ZCCHC7: variants seen among roughly 807,000 people sequenced by gnomAD.
ZCCHC7 encodes the protein zinc finger CCHC-type containing 7, also known as zinc finger CCHC domain-containing protein 7.
A neutral mutation model predicts 52.0 loss-of-function variants in ZCCHC7; 35 were observed. The ratio of observed to expected loss-of-function variants is 0.67; its 90% CI spans 0.51 to 0.89. The LOEUF (loss-of-function observed/expected upper bound fraction) is 0.89, where lower values mean the gene tolerates loss of function less well. Among genes scored for constraint, ZCCHC7 ranks in the 40% least tolerant of loss-of-function variants. The pLI is 0.00. For synonymous variants in ZCCHC7, 217 were observed against 221.5 expected (o/e 0.98, Z 0.18); for missense variants, 574 against 649.1 (o/e 0.88, Z 1.26).
At chr9:37,267,021 G>C (rs1827137474) in intron 2 of ZCCHC7, among the ~76,000 whole-genome samples, 1 of 152,200 alleles carries the variant, frequency 6.6e-6, no homozygotes, top group Non-Finnish European at 1.5e-5. Flanking sequence ...TTGAGAGAGA[G>C]AGAGGTATAC....
At chr9:37,234,945 T>A (rs2133329553) in intron 2 of ZCCHC7, among the ~76,000 whole-genome samples, 1 of 152,342 alleles carries the variant, frequency 6.6e-6, no homozygotes, top group South Asian at 2.1e-4. Flanking sequence ...TAAGTTTTAT[T>A]TTTATTTGAT....
chr9:37,233,892 C>T (rs1004356308), intron 2 of ZCCHC7, among the ~76,000 whole-genome samples: 2 of 152,140 alleles, frequency 1.3e-5, no homozygotes, highest in African/African-American at 2.4e-5. Flanking sequence ...CTTACTGTGT[C>T]TCCCAGGCTG....
chr9:37,352,089 G>C (rs1821414305), intron 7 of ZCCHC7, among the ~76,000 whole-genome samples: 1 of 152,184 alleles, frequency 6.6e-6, no homozygotes, highest in Non-Finnish European at 1.5e-5. Flanking sequence ...GAGGGGACCA[G>C]CGATGTGGAT....
In ZCCHC7 at chr9:37,127,019, A is replaced by C. The variant is rs568293766; in HGVS notation, c.610+77A>C. The C allele has an allele frequency of 3.3e-6, 5 of 1,522,878 alleles. No homozygotes were observed. The East Asian group carries it at 1.1e-4, about 34-fold the overall frequency. The allele number at this position is 1,522,878 out of a possible 1,614,324, so 94.3% of individuals were successfully genotyped here. A position where few individuals can be genotyped will look rare whatever the true frequency, so the allele number is the denominator to read the frequency against. On this transcript the variant is annotated intron_variant, in intron 2 of 8. Coordinates refer to ENST00000336755, the MANE Select transcript of ZCCHC7 (RefSeq NM_032226.3). ...ACTGCTTTTCCTAGAGAAAAGACCAATAGGGTCTACTCCGTTTAATTCCTC... is the reference window on the plus strand; with the variant it reads ...ACTGCTTTTCCTAGAGAAAAGACCACTAGGGTCTACTCCGTTTAATTCCTC...
chr9:37,349,772 G>A (rs938545348), intron 7 of ZCCHC7, among the ~76,000 whole-genome samples: 3 of 151,998 alleles, frequency 2.0e-5, no homozygotes, highest in East Asian at 1.9e-4. Flanking sequence ...CTTTGACACC[G>A]CCATAGCATG....
At chr9:37,292,337 G>A (rs1160677823) in intron 2 of ZCCHC7, among the ~76,000 whole-genome samples, 1 of 152,194 alleles carries the variant, frequency 6.6e-6, no homozygotes, top group Non-Finnish European at 1.5e-5. Flanking sequence ...ATGTGAAGAT[G>A]ACTAAACTTG....
chr9:37,216,897 A>T (rs1824537381), intron 2 of ZCCHC7, among the ~76,000 whole-genome samples: 2 of 152,254 alleles, frequency 1.3e-5, no homozygotes, highest in South Asian at 2.1e-4. Flanking sequence ...TTGACTCTGT[A>T]GATTAAGGAT....
chr9:37,209,678 A>T (rs1235418245), intron 2 of ZCCHC7, among the ~76,000 whole-genome samples: 1 of 152,186 alleles, frequency 6.6e-6, no homozygotes, highest in Non-Finnish European at 1.5e-5. Flanking sequence ...ACAGTACTCA[A>T]ATACTTCTTG....
At chr9:37,192,576 T>C (rs1006404011) in intron 2 of ZCCHC7, among the ~76,000 whole-genome samples, 2 of 152,232 alleles carry the variant, frequency 1.3e-5, no homozygotes, top group African/African-American at 4.8e-5. Flanking sequence ...AGAAGAAATA[T>C]CTTTCCATGT....
intron 2 of ZCCHC7, among the ~76,000 whole-genome samples, chr9:37,221,210 G>T (rs1350829458): frequency 1.3e-5 from 2 of 152,124 alleles, no homozygotes; most frequent in East Asian, 3.9e-4. Context: ...GAGAAATACT[G>T]GTAACATGAT....
intron 2 of ZCCHC7, among the ~76,000 whole-genome samples, chr9:37,204,590 C>T (rs989750284): frequency 5.3e-5 from 8 of 152,080 alleles, no homozygotes; most frequent in Non-Finnish European, 1.0e-4. Context: ...TTGTTTTTGT[C>T]AGGTTTGTCA....
Position 37,327,851 on chromosome 9 carries a change from T to A in ZCCHC7, c.987+17T>A, listed in dbSNP as rs949927705. The A allele has an allele frequency of 1.9e-6, 3 of 1,612,666 alleles. No individual in the cohort carries two copies. The highest frequency in any genetic ancestry group is 2.5e-6 in the Non-Finnish European group (3 of 1,179,008). ...CACCTAACGGTGAGTAGAAACACCT[T>A]TTTTATTTTCCCCAAGACCTAGCCT... On this transcript the variant is annotated intron_variant, in intron 6 of 8. Transcript: ENST00000336755.
At chr9:37,246,961 T>C (rs908421746) in intron 2 of ZCCHC7, among the ~76,000 whole-genome samples, 4 of 152,294 alleles carry the variant, frequency 2.6e-5, no homozygotes, top group African/African-American at 9.6e-5. Context: ...CCTACTCTCT[T>C]AGCAATTTTT....
At chr9:37,244,777 T>G (rs1044070264) in intron 2 of ZCCHC7, among the ~76,000 whole-genome samples, 1 of 151,938 alleles carries the variant, frequency 6.6e-6, no homozygotes, top group Non-Finnish European at 1.5e-5. Flanking sequence ...TTTTCATATA[T>G]ATTCACTGTG....
At chr9:37,157,338 A>T (rs1215089750) in intron 2 of ZCCHC7, among the ~76,000 whole-genome samples, 2 of 152,084 alleles carry the variant, frequency 1.3e-5, no homozygotes, top group South Asian at 2.1e-4. Context: ...CTCTAAAAAA[A>T]GAAAATTATC....
rs185822773 is a variant in ZCCHC7 at position 37,167,178 on chromosome 9, G to A, written c.610+40236G>A. Among the ~76,000 whole-genome samples, 41 of 149,068 alleles carry A rather than the reference G, an allele frequency of 2.8e-4. No homozygotes were observed. In the East Asian group the frequency reaches 5.8e-3, roughly 21 times the overall value. ...TCTGTTTTATTATAGATAGTTCCTT[G>A]TTTTGTCTTCAAGGTCATTTTTTTC... is the stretch of plus-strand genomic sequence containing the variant. On this transcript the variant is annotated intron_variant, in intron 2 of 8. Coordinates refer to ENST00000336755, the MANE Select transcript of ZCCHC7 (RefSeq NM_032226.3).
rs1437007466 is a variant in ZCCHC7 at position 37,327,845 on chromosome 9, A to G, written c.987+11A>G. ...CAGTATCACCTAACGGTGAGTAGAA[A>G]CACCTTTTTTATTTTCCCCAAGACC... On this transcript the variant is annotated intron_variant, in intron 6 of 8. Transcript: ENST00000336755. The G allele has an allele frequency of 1.2e-6, 2 of 1,612,750 alleles. No individual in the cohort carries two copies. Among genetic ancestry groups the G allele is most frequent in the East Asian group, 2.2e-5 (1 of 44,844 alleles).
At chr9:37,305,793 C>A in intron 5 of ZCCHC7, 79 bp downstream of exon 5, 1 of 1,486,820 alleles carries the variant, frequency 6.7e-7, no homozygotes, top group Non-Finnish European at 9.3e-7. Context: ...AAGTTTATAA[C>A]TATCAGTCAG....
intron 7 of ZCCHC7, among the ~76,000 whole-genome samples, chr9:37,353,062 T>C (rs1430933552): frequency 6.6e-6 from 1 of 151,304 alleles, no homozygotes; most frequent in Non-Finnish European, 1.5e-5. Flanking sequence ...GAGAAACTTC[T>C]GGAAAAACTA....
Sources: gnomAD v4.1 joint callset for allele counts (sites outside exome capture counted in the v4.1 genomes callset) on GRCh38, gnomAD v4.1.1 for gene constraint, MANE v1.5 for transcripts, NCBI Gene and HGNC (gene_info 2026-07-23, HGNC 2026-07-21) for gene names.